Variants in TXNRD1 observed in about 807,000 individuals in gnomAD.
The protein encoded by TXNRD1 is thioredoxin reductase 1.
In TXNRD1, 57 loss-of-function variants were observed where a neutral mutation model predicts 80.3. That is an observed-to-expected ratio of 0.71 (90% CI 0.57 to 0.89). The LOEUF (loss-of-function observed/expected upper bound fraction) is 0.89. TXNRD1 is among the 40% of genes least tolerant of loss of function. TXNRD1 has a pLI of 0.00. For missense variants in TXNRD1, 730 were observed against 803.0 expected, an observed-to-expected ratio of 0.91 and a Z score of 1.10; for synonymous variants, 291 against 285.2, an observed-to-expected ratio of 1.02 and a Z score of -0.20.
At chr12:104,308,782 G>A (rs950109366) in intron 4 of TXNRD1, among the ~76,000 whole-genome samples, 19 of 152,132 alleles carry the variant, frequency 1.2e-4, no homozygotes, top group African/African-American at 4.6e-4. Flanking sequence ...TACTGTTTGG[G>A]GCAGCTGTTT....
intron 1 of TXNRD1, among the ~76,000 whole-genome samples, chr12:104,239,119 C>T (rs1279542506): frequency 6.6e-6 from 1 of 151,730 alleles, no homozygotes; most frequent in Admixed American, 6.6e-5. Flanking sequence ...TGAAAAATTG[C>T]TGATAATTCT....
chr12:104,262,936 G>T (rs1173376409), intron 3 of TXNRD1, among the ~76,000 whole-genome samples: 7 of 152,122 alleles, frequency 4.6e-5, no homozygotes, highest in Non-Finnish European at 8.8e-5. Context: ...AAGAGAAGTT[G>T]TGCTACCAGG....
intron 3 of TXNRD1, among the ~76,000 whole-genome samples, chr12:104,264,453 C>T (rs954758527): frequency 6.6e-6 from 1 of 152,034 alleles, no homozygotes; most frequent in Non-Finnish European, 1.5e-5. Flanking sequence ...GGAGGTTGTT[C>T]TATTTATTTT....
At chr12:104,277,876 ATTCT>A (rs2033787980) in intron 3 of TXNRD1, among the ~76,000 whole-genome samples, 1 of 105,772 alleles carries the variant, frequency 9.5e-6, no homozygotes. Context: ...CTTTGGCAAG[ATTCT>A]TTTTTTTTTT....
At chr12:104,221,672 G>A (rs1373676280) in intron 1 of TXNRD1, among the ~76,000 whole-genome samples, 2 of 152,064 alleles carry the variant, frequency 1.3e-5, no homozygotes, top group Admixed American at 6.6e-5. Flanking sequence ...ATTCAAGTAC[G>A]CTCCCAACTT....
intron 7 of TXNRD1, among the ~76,000 whole-genome samples, chr12:104,318,225 A>G (rs1430625591): frequency 6.6e-6 from 1 of 152,142 alleles, no homozygotes; most frequent in Non-Finnish European, 1.5e-5. Flanking sequence ...CAGAATCAAA[A>G]AGAATAAAAA....
chr12:104,246,653 G>C (rs988299995), intron 1 of TXNRD1, among the ~76,000 whole-genome samples: 11 of 150,960 alleles, frequency 7.3e-5, no homozygotes, highest in African/African-American at 2.4e-4. Context: ...CTCCTGAGTA[G>C]CTGGGATTAC....
intron 1 of TXNRD1, among the ~76,000 whole-genome samples, chr12:104,249,609 G>T (rs2033068548): frequency 6.6e-6 from 1 of 151,954 alleles, no homozygotes; most frequent in African/African-American, 2.4e-5. Context: ...ACATGTTCAT[G>T]GTTTAAAAAC....
chr12:104,322,761 G>A (rs907903218), intron 10 of TXNRD1, among the ~76,000 whole-genome samples: 1 of 151,916 alleles, frequency 6.6e-6, no homozygotes, highest in Non-Finnish European at 1.5e-5. Context: ...GTATGTATAT[G>A]CTGTACTGAT....
chr12:104,341,512 G>A (rs943696427), intron 16 of TXNRD1, among the ~76,000 whole-genome samples: 5 of 152,168 alleles, frequency 3.3e-5, no homozygotes, highest in African/African-American at 1.2e-4. Context: ...AGTGCTGGAG[G>A]CACTGGGGTG....
In TXNRD1 at chr12:104,304,880, A is replaced by G. The variant is rs779022548; in HGVS notation, c.415-6410A>G. 38 of 1,612,360 alleles carry G rather than the reference A, an allele frequency of 2.4e-5. No individual in the cohort carries two copies. Among genetic ancestry groups the G allele is most frequent in the Non-Finnish European group, 3.2e-5 (38 of 1,179,538 alleles). On this transcript the variant is annotated intron_variant, in intron 4 of 16. Transcript: ENST00000525566. ...ATCTTTGACTTTACAGGAGTGGAAA[A>G]ACATTGTGGCAGCTTTTGAAATTTC...
chr12:104,251,816 AGCACTTTGGGAGGCC>A, intron 2 of TXNRD1, 138 bp downstream of exon 2: 1 of 935,228 alleles, frequency 1.1e-6, no homozygotes, highest in Non-Finnish European at 1.6e-6. Flanking sequence ...CTGTAATCCC[AGCACTTTGGGAGGCC>A]AAGGTGAGTG....
rs776260463 is a variant in TXNRD1 at position 104,339,278 on chromosome 12, G to A, written c.1881+5G>A. 2.5e-6 allele frequency: 4 copies of A among 1,613,842 alleles called. No homozygotes were observed. The highest frequency in any genetic ancestry group is 3.4e-6 in the Non-Finnish European group (4 of 1,179,788). ...ATCCACCCTGTCTGTGCAGAGGTGG[G>A]TCATCTACACTTATACAGTTTAAAA... is the stretch of plus-strand genomic sequence containing the variant. On this transcript the variant is annotated splice_donor_5th_base_variant and intron_variant, in intron 16 of 16. Coordinates refer to ENST00000525566, the MANE Select transcript of TXNRD1 (RefSeq NM_001093771.3).
intron 1 of TXNRD1, among the ~76,000 whole-genome samples, chr12:104,245,183 ATTT>A (rs113947040): frequency 6.7e-6 from 1 of 148,950 alleles, no homozygotes; most frequent in African/African-American, 2.5e-5. Flanking sequence ...ATTATTTTAG[ATTT>A]TTTTTTTTAA....
chr12:104,314,669 T>G (rs2035254329), intron 6 of TXNRD1, among the ~76,000 whole-genome samples: 1 of 152,024 alleles, frequency 6.6e-6, no homozygotes, highest in Admixed American at 6.6e-5. Context: ...TCATGCATCC[T>G]TTAAAAAACC....
At chr12:104,246,479 C>A (rs1216047731) in intron 1 of TXNRD1, among the ~76,000 whole-genome samples, 3 of 150,514 alleles carry the variant, frequency 2.0e-5, no homozygotes, top group Admixed American at 2.0e-4. Context: ...ATTATCAAGT[C>A]ATCATTGCCA....
chr12:104,263,679 G>A (rs1228079887), intron 3 of TXNRD1, among the ~76,000 whole-genome samples: 1 of 152,194 alleles, frequency 6.6e-6, no homozygotes, highest in Non-Finnish European at 1.5e-5. Context: ...AGCTATAAAT[G>A]TGGAAAACAG....
chr12:104,277,899 C>G (rs1328185677), intron 3 of TXNRD1, among the ~76,000 whole-genome samples: 1 of 134,034 alleles, frequency 7.5e-6, no homozygotes, highest in Non-Finnish European at 1.6e-5. Context: ...TTTTTTGAGA[C>G]GAAGTCTCAC....
chr12:104,285,831 A>G (rs2033958942), intron 3 of TXNRD1, among the ~76,000 whole-genome samples: 1 of 152,132 alleles, frequency 6.6e-6, no homozygotes, highest in South Asian at 2.1e-4. Context: ...TTTCCTCCTT[A>G]AATCACATTG....
Sources: allele counts gnomAD v4.1 joint callset (sites outside exome capture counted in the v4.1 genomes callset), GRCh38; gene constraint gnomAD v4.1.1; transcripts MANE v1.5; gene names NCBI Gene and HGNC (gene_info 2026-07-23, HGNC 2026-07-21).